The following PDE1C variants were observed in gnomAD, a reference collection of about 807,000 sequenced individuals.
PDE1C encodes phosphodiesterase 1C.
Under a neutral mutation model 93.1 loss-of-function variants are expected in PDE1C, and 62 were observed. The ratio of observed to expected loss-of-function variants is 0.67; its 90% CI spans 0.54 to 0.82. PDE1C has a LOEUF of 0.82. Among genes scored for constraint, PDE1C ranks in the 40% least tolerant of loss-of-function variants. The pLI is 0.00. For missense variants in PDE1C, 742 were observed against 884.6 expected (o/e 0.84, Z 2.04); for synonymous variants, 325 against 310.1 (o/e 1.05, Z -0.50).
Position 31,837,233 on chromosome 7 carries a change from A to G in PDE1C, c.1150T>C (p.Trp384Arg). 4 of 1,613,902 alleles carry G rather than the reference A, an allele frequency of 2.5e-6. No individual in the cohort carries two copies. Among genetic ancestry groups the G allele is most frequent in the Non-Finnish European group, 3.4e-6 (4 of 1,179,830 alleles). Residue 384 changes from tryptophan to arginine, a missense_variant, in exon 11 of 18, where the codon TGG (tryptophan) becomes CGG (arginine). Trp to Arg is a moderately radical substitution (Grantham distance 101). Around this residue, in one of 4 missense-constraint regions of PDE1C, gnomAD observed 454 missense variants for 459.4 expected, o/e 0.99. Transcript: ENST00000396191. ...ATTGTCCAGCGATGATGGAGGTCCC[A>G]TGCTTTTGCTGGATGGCTAATATCT... ...TADISHPAKA[W>R]DLHHRWTMSL...
chr7:32,388,454 T>G (rs959605149), intron 1 of PDE1C, among the ~76,000 whole-genome samples: 1 of 152,036 alleles, frequency 6.6e-6, no homozygotes, highest in South Asian at 2.1e-4. Context: ...GAAGGCTGGA[T>G]TAGAGGACCT....
intron 3 of PDE1C, among the ~76,000 whole-genome samples, chr7:32,135,180 G>T (rs73689042): frequency 0.024 from 3,636 of 152,138 alleles, 139 homozygotes; most frequent in African/African-American, 0.082. Flanking sequence ...AAACACCAAG[G>T]AAAATGTAAT....
intron 1 of PDE1C, among the ~76,000 whole-genome samples, chr7:32,390,457 G>C (rs73093948): frequency 0.026 from 3,952 of 151,394 alleles, 71 homozygotes; most frequent in South Asian, 0.049. Context: ...ACAATGCATA[G>C]GACAGCTTCC....
intron 17 of PDE1C, among the ~76,000 whole-genome samples, chr7:31,775,264 A>T (rs929508859): frequency 1.3e-5 from 2 of 152,216 alleles, no homozygotes; most frequent in South Asian, 4.1e-4. Context: ...CATTCCAAGA[A>T]GCTGAAGAAG....
At chr7:32,005,139 G>A (rs903846391) in intron 2 of PDE1C, among the ~76,000 whole-genome samples, 8 of 152,198 alleles carry the variant, frequency 5.3e-5, no homozygotes, top group Admixed American at 6.5e-5. Context: ...CTTCAGGTCC[G>A]TAGAATTAGA....
intron 15 of PDE1C, among the ~76,000 whole-genome samples, chr7:31,810,323 A>G (rs867882761): frequency 2.6e-5 from 4 of 152,138 alleles, no homozygotes; most frequent in Non-Finnish European, 5.9e-5. Flanking sequence ...ATTGAAGCCA[A>G]AAGATCCCAA....
At chr7:32,389,210 GTTT>G (rs1784706387) in intron 1 of PDE1C, among the ~76,000 whole-genome samples, 1 of 111,280 alleles carries the variant, frequency 9.0e-6, no homozygotes, top group African/African-American at 3.8e-5. Flanking sequence ...GTTTTTGTTT[GTTT>G]GTTTGTTTGT....
chr7:32,259,678 C>T (rs1186519562), intron 1 of PDE1C, among the ~76,000 whole-genome samples: 1 of 152,130 alleles, frequency 6.6e-6, no homozygotes, highest in Non-Finnish European at 1.5e-5. Context: ...ATTTGTTCTC[C>T]TCATCCAGCC....
the PDE1C span, among the ~76,000 whole-genome samples, chr7:31,620,070 T>A: frequency 6.6e-6 from 1 of 152,162 alleles, no homozygotes; most frequent in Non-Finnish European, 1.5e-5. Context: ...TGCCCGCCAT[T>A]ACCCAGGCTT....
upstream of PDE1C, chr7:32,071,099 T>TGCCGGGCACACGCTGGGCTCCGACCCCG: frequency 5.2e-5 from 51 of 985,368 alleles, no homozygotes; most frequent in Non-Finnish European, 6.1e-5. Context: ...CACCGCCGTC[T>TGCCGGGCACACGCTGGGCTCCGACCCCG]GCCGGGCACA....
At chr7:32,141,130 G>A (rs1025761871) in intron 3 of PDE1C, among the ~76,000 whole-genome samples, 1 of 152,236 alleles carries the variant, frequency 6.6e-6, no homozygotes, top group Non-Finnish European at 1.5e-5. Context: ...CCTCCTGCCA[G>A]GAGGTGGAGC....
rs752243504 is a variant in PDE1C at position 31,809,034 on chromosome 7, C to A, written c.1888G>T (p.Asp630Tyr). 5.2e-6 allele frequency: 8 copies of A among 1,549,920 alleles called. No individual in the cohort carries two copies. The East Asian group carries it at 1.6e-4, about 31-fold the overall frequency. Residue 630 changes from aspartate (D) to tyrosine (Y), a missense_variant, in exon 16 of 18, where the codon GAT becomes TAT. Transcript: ENST00000396191. ...GTAATGAGAATAATACTCTTACCAT[C>A]TGTTTTCTTTGAATCATTTCCGATG... ...SNIGNDSKKT[D>Y]GTKQRSHGSP...
intron 2 of PDE1C, among the ~76,000 whole-genome samples, chr7:31,960,872 T>C (rs1236930322): frequency 1.3e-5 from 2 of 152,206 alleles, no homozygotes; most frequent in African/African-American, 4.8e-5. Flanking sequence ...GGATTGTTTC[T>C]CTTATTCTCT....
chr7:31,882,534 T>TA (rs1647219577), intron 2 of PDE1C, among the ~76,000 whole-genome samples: 1 of 152,150 alleles, frequency 6.6e-6, no homozygotes, highest in Non-Finnish European at 1.5e-5. Context: ...AGCTATCCCC[T>TA]AGGCTGTTTG....
chr7:31,637,198 C>T, the PDE1C span, among the ~76,000 whole-genome samples: 12 of 152,040 alleles, frequency 7.9e-5, no homozygotes, highest in African/African-American at 2.4e-4. Flanking sequence ...AATAAACATA[C>T]GTGTGCATGT....
chr7:32,048,223 A>C (rs1305490673), intron 2 of PDE1C, among the ~76,000 whole-genome samples: 1 of 152,136 alleles, frequency 6.6e-6, no homozygotes, highest in African/African-American at 2.4e-5. Flanking sequence ...AAGGCTGGAA[A>C]TTTTTTAAAA....
At chr7:32,117,856 G>A (rs1799069589) in intron 3 of PDE1C, among the ~76,000 whole-genome samples, 1 of 152,174 alleles carries the variant, frequency 6.6e-6, no homozygotes, top group Non-Finnish European at 1.5e-5. Flanking sequence ...TTGGGGGAAG[G>A]GGTGTTGTTG....
the PDE1C span, among the ~76,000 whole-genome samples, chr7:31,673,642 G>A: frequency 6.6e-6 from 1 of 150,666 alleles, no homozygotes; most frequent in African/African-American, 2.4e-5. Context: ...TAATTTTATG[G>A]TGCTACTTTT....
At chr7:32,255,128 G>T (rs1002894491) in intron 1 of PDE1C, among the ~76,000 whole-genome samples, 1 of 152,166 alleles carries the variant, frequency 6.6e-6, no homozygotes, top group Admixed American at 6.5e-5. Context: ...GGTCCCAGAG[G>T]CTAGTAAGGG....
Sources: allele counts gnomAD v4.1 joint callset (sites outside exome capture counted in the v4.1 genomes callset), GRCh38; gene constraint gnomAD v4.1.1; regional missense constraint gnomAD v4.1.1; transcripts MANE v1.5; gene names NCBI Gene and HGNC (gene_info 2026-07-23, HGNC 2026-07-21).